The following COX7B2 variants were observed in gnomAD, a reference collection of about 807,000 sequenced individuals.
COX7B2 encodes cytochrome c oxidase subunit 7B2, mitochondrial.
For missense variants in COX7B2, 109 were observed against 95.9 expected (o/e 1.14, Z -0.57); for synonymous variants, 37 against 32.1 (o/e 1.15, Z -0.51).
intron 2 of COX7B2, among the ~76,000 whole-genome samples, chr4:46,749,286 A>G (rs1275453769): frequency 6.6e-6 from 1 of 152,152 alleles, no homozygotes; most frequent in Non-Finnish European, 1.5e-5. Flanking sequence ...AAATTTTAAA[A>G]TATTTTAAAA....
At chr4:46,762,803 A>T (rs1006849819) in intron 2 of COX7B2, among the ~76,000 whole-genome samples, 2 of 148,648 alleles carry the variant, frequency 1.3e-5, no homozygotes, top group Non-Finnish European at 3.0e-5. Context: ...AAAAGGGAAC[A>T]AGGAAAGTTT....
intron 1 of COX7B2, among the ~76,000 whole-genome samples, chr4:46,908,203 T>C (rs963290785): frequency 6.6e-6 from 1 of 152,068 alleles, no homozygotes; most frequent in African/African-American, 2.4e-5. Flanking sequence ...ACTAAACATT[T>C]CCTGCAAATA....
chr4:46,850,437 A>G (rs1450829918), intron 1 of COX7B2, among the ~76,000 whole-genome samples: 1 of 152,062 alleles, frequency 6.6e-6, no homozygotes, highest in Non-Finnish European at 1.5e-5. Context: ...GGAAAAGCAG[A>G]CTGCTAAATG....
chr4:46,766,365 G>A (rs376698923), intron 2 of COX7B2, among the ~76,000 whole-genome samples: 3 of 152,072 alleles, frequency 2.0e-5, no homozygotes, highest in East Asian at 1.9e-4. Flanking sequence ...ATCAAAAGGT[G>A]TACAGTGTGA....
At chr4:46,769,470 G>A (rs1037857279) in intron 2 of COX7B2, among the ~76,000 whole-genome samples, 3 of 152,102 alleles carry the variant, frequency 2.0e-5, no homozygotes, top group East Asian at 1.9e-4. Flanking sequence ...GGTGGCTCAC[G>A]CCTGTGATCA....
chr4:46,856,174 G>A (rs1455979408), intron 1 of COX7B2, among the ~76,000 whole-genome samples: 2 of 152,146 alleles, frequency 1.3e-5, no homozygotes, highest in African/African-American at 4.8e-5. Context: ...AACCTGGGAA[G>A]TGGAGGTTGC....
chr4:46,908,022 T>C (rs1720513724), intron 1 of COX7B2, among the ~76,000 whole-genome samples: 1 of 151,696 alleles, frequency 6.6e-6, no homozygotes, highest in Non-Finnish European at 1.5e-5. Context: ...CCTGGCTAAT[T>C]TTTGTATTTT....
chr4:46,820,475 C>G (rs1714193783), intron 2 of COX7B2, among the ~76,000 whole-genome samples: 1 of 152,142 alleles, frequency 6.6e-6, no homozygotes, highest in Non-Finnish European at 1.5e-5. Context: ...GGTACCGGTC[C>G]ATGGCCTGCG....
intron 1 of COX7B2, among the ~76,000 whole-genome samples, chr4:46,872,852 T>G (rs183673370): frequency 3.3e-3 from 506 of 152,282 alleles, no homozygotes; most frequent in Middle Eastern, 6.8e-3. Flanking sequence ...CTTTAAGTTC[T>G]GGGGTACATG....
chr4:46,794,590 G>C (rs956432445), intron 2 of COX7B2, among the ~76,000 whole-genome samples: 1 of 151,986 alleles, frequency 6.6e-6, no homozygotes. Context: ...CTCTTCTCTC[G>C]TCTGTAGTGG....
rs138530519 is a variant in COX7B2 at position 46,789,000 on chromosome 4, G to A, written c.-49-53759C>T. Among the ~76,000 whole-genome samples, 187 of 152,142 alleles carry A rather than the reference G, an allele frequency of 1.2e-3. 1 individual carries two copies. Among genetic ancestry groups the A allele is most frequent in the African/African-American group, 4.3e-3 (177 of 41,498 alleles). On this transcript the variant is annotated intron_variant, in intron 2 of 2. Transcript: ENST00000355591. ...TCTGCTTGTTCCATTTTCTGCTTTG[G>A]GACCTAAGTCAACCCTGGTGTATTT...
intron 2 of COX7B2, among the ~76,000 whole-genome samples, chr4:46,818,708 A>G (rs1714033774): frequency 6.6e-6 from 1 of 152,214 alleles, no homozygotes; most frequent in African/African-American, 2.4e-5. Context: ...TGGAAAAACA[A>G]GTAAGTACAC....
At chr4:46,829,292 A>T (rs1714911570) in intron 2 of COX7B2, among the ~76,000 whole-genome samples, 1 of 152,174 alleles carries the variant, frequency 6.6e-6, no homozygotes, top group Non-Finnish European at 1.5e-5. Context: ...CATAACAATC[A>T]TTTAATGACC....
rs1431579644 is a variant in COX7B2 at position 46,763,220 on chromosome 4, T to G, written c.-49-27979A>C. ...TATATGATATTATATTTATAATATATATTCATATATATTATATATATACAT... is the reference window on the plus strand; with the variant it reads ...TATATGATATTATATTTATAATATAGATTCATATATATTATATATATACAT... On this transcript the variant is annotated intron_variant, in intron 2 of 2. Transcript: ENST00000355591. Among the ~76,000 whole-genome samples the G allele has an allele frequency of 2.9e-5, 4 of 137,824 alleles. No homozygotes were observed. In the East Asian group the frequency reaches 8.0e-4, roughly 27 times the overall value. 90.4% of individuals were successfully genotyped at this position (137,824 alleles called of 152,430 possible).
chr4:46,759,692 A>G (rs991722244), intron 2 of COX7B2, among the ~76,000 whole-genome samples: 6 of 151,982 alleles, frequency 3.9e-5, no homozygotes, highest in Non-Finnish European at 7.4e-5. Flanking sequence ...AAAGTCAGGA[A>G]ACAACATATG....
At chr4:46,758,110 C>T (rs1715907538) in intron 2 of COX7B2, among the ~76,000 whole-genome samples, 1 of 151,794 alleles carries the variant, frequency 6.6e-6, no homozygotes, top group South Asian at 2.1e-4. Context: ...TAATTTCATT[C>T]TATAAGTATT....
At chr4:46,750,739 A>G (rs944897836) in intron 2 of COX7B2, among the ~76,000 whole-genome samples, 1 of 152,194 alleles carries the variant, frequency 6.6e-6, no homozygotes, top group African/African-American at 2.4e-5. Context: ...TCCAATATCA[A>G]GGTCCAGCAG....
chr4:46,895,370 T>C (rs1560442567), intron 1 of COX7B2, among the ~76,000 whole-genome samples: 1 of 152,092 alleles, frequency 6.6e-6, no homozygotes, highest in East Asian at 1.9e-4. Context: ...CTATTATCCT[T>C]AGCAAGCTAA....
At chr4:46,735,757 A>G (rs1434322443) in intron 2 of COX7B2, among the ~76,000 whole-genome samples, 1 of 152,118 alleles carries the variant, frequency 6.6e-6, no homozygotes, top group Admixed American at 6.6e-5. Flanking sequence ...AGTCTTTTCC[A>G]TATCTCACTA....
Sources: allele counts gnomAD v4.1 joint callset (sites outside exome capture counted in the v4.1 genomes callset), GRCh38; gene constraint gnomAD v4.1.1; transcripts MANE v1.5; gene names NCBI Gene and HGNC (gene_info 2026-07-23, HGNC 2026-07-21).